Variants in SLC18B1 observed in about 807,000 individuals in gnomAD.
SLC18B1 encodes MFS-type transporter SLC18B1.
In SLC18B1, 62 loss-of-function variants were observed where a neutral mutation model predicts 53.9. That is an observed-to-expected ratio of 1.15 (90% CI 0.94 to 1.42). The LOEUF is 1.42. SLC18B1 is among the 40% of genes most tolerant of loss of function. The pLI, the probability that SLC18B1 is intolerant of heterozygous loss-of-function variation, is 0.00. For synonymous variants in SLC18B1, 217 were observed against 200.9 expected (o/e 1.08, Z -0.68); for missense variants, 598 against 547.3 (o/e 1.09, Z -0.93).
rs1402312875 is a variant in SLC18B1 at position 132,797,001 on chromosome 6, C to A, written c.164G>T (p.Gly55Val). 3 of 1,613,074 alleles carry A rather than the reference C, an allele frequency of 1.9e-6. No homozygotes were observed. Among genetic ancestry groups the A allele is most frequent in the African/African-American group, 2.7e-5 (2 of 74,860 alleles). ...LGSMMCYSIL[G>V]PFFPKEAEKK... The stretch of plus-strand genomic sequence containing the variant: ...TCTTACCTCTTTGGGGAAAAACGGT[C>A]CAAGTATAGAATAGCACATCATGGA... Residue 55 changes from glycine to valine, a missense_variant, in exon 2 of 14, where the codon GGA (glycine) becomes GTA (valine). Gly to Val is a moderately radical substitution (Grantham distance 109, BLOSUM62 -3). Coordinates refer to ENST00000275227, the MANE Select transcript of SLC18B1 (RefSeq NM_052831.3).
chr6:132,784,884 A>G (rs1419859786), intron 5 of SLC18B1, among the ~76,000 whole-genome samples: 1 of 152,196 alleles, frequency 6.6e-6, no homozygotes, highest in Non-Finnish European at 1.5e-5. Flanking sequence ...AGACAGTAAG[A>G]ACAGTAAAGA....
intron 2 of SLC18B1, among the ~76,000 whole-genome samples, chr6:132,792,303 G>A (rs1199960899): frequency 5.9e-4 from 51 of 86,106 alleles, no homozygotes; most frequent in African/African-American, 3.4e-3. Flanking sequence ...AAGGAAGGAA[G>A]GAAGGAAGGA....
intron 2 of SLC18B1, among the ~76,000 whole-genome samples, chr6:132,796,354 C>CAAAAAAAAAAAA (rs780737208): frequency 4.5e-5 from 2 of 44,704 alleles, no homozygotes; most frequent in African/African-American, 2.3e-4. Context: ...GACTCCATCT[C>CAAAAAAAAAAAA]AAAAAAAAAA....
chr6:132,778,564 C>G (rs1235063647), intron 7 of SLC18B1, among the ~76,000 whole-genome samples: 1 of 152,082 alleles, frequency 6.6e-6, no homozygotes, highest in East Asian at 1.9e-4. Context: ...TATATTGAAA[C>G]TTAAGTTTCT....
intron 9 of SLC18B1, 147 bp from the exon 10 acceptor site, chr6:132,773,235 C>A (rs2114660275): frequency 6.1e-6 from 2 of 329,802 alleles, no homozygotes; most frequent in Non-Finnish European, 5.7e-6. Context: ...CCCATCTAAC[C>A]CATTTCATTC....
Position 132,789,657 on chromosome 6 carries a change from A to T in SLC18B1, c.353+107T>A, listed in dbSNP as rs554234862. 4 of 791,422 alleles carry T rather than the reference A, an allele frequency of 5.1e-6. No homozygotes were observed. The Admixed American group carries it at 7.9e-5, about 16-fold the overall frequency. 49.0% of individuals were successfully genotyped at this position (791,422 alleles called of 1,614,324 possible). A position where few individuals can be genotyped will look rare whatever the true frequency, so the allele number is the denominator to read the frequency against. ...CCATTAGTCACATGCTATGCATTTG[A>T]CAGACAATAAATGGAACCATTGACT... On this transcript the variant is annotated intron_variant, in intron 4 of 13. Transcript: ENST00000275227.
chr6:132,792,295 G>GGAAA (rs1781560417), intron 2 of SLC18B1, among the ~76,000 whole-genome samples: 1 of 75,218 alleles, frequency 1.3e-5, no homozygotes, highest in African/African-American at 8.4e-5. Flanking sequence ...AAGAAAGGAA[G>GGAAA]GAAGGAAGGA....
intron 6 of SLC18B1, among the ~76,000 whole-genome samples, chr6:132,781,056 A>C (rs978880164): frequency 2.0e-5 from 3 of 152,166 alleles, no homozygotes; most frequent in Admixed American, 6.6e-5. Flanking sequence ...TAAGGATGTT[A>C]GTTACTTTTA....
rs182396255 is a variant in SLC18B1, at chr6:132,794,301, A to G, written c.183+2681T>C. Among the ~76,000 whole-genome samples the G allele has an allele frequency of 1.0e-3, 154 of 151,420 alleles. 1 individual carries two copies. Among genetic ancestry groups the G allele is most frequent in the African/African-American group, 3.7e-3 (151 of 41,230 alleles). ...GTATTTTTAGTACAGACAGGGTTTC[A>G]CCATGTTGGCCAGGCTGGTCTCAAA... On this transcript the variant is annotated intron_variant, in intron 2 of 13. Transcript: ENST00000275227.
intron 4 of SLC18B1, among the ~76,000 whole-genome samples, chr6:132,788,139 C>T (rs558280698): frequency 1.1e-4 from 16 of 144,682 alleles, no homozygotes; most frequent in East Asian, 4.1e-4. Context: ...CCAGCCTGGG[C>T]GACAGAGTGA....
chr6:132,789,071 A>G (rs1251522712), intron 4 of SLC18B1, among the ~76,000 whole-genome samples: 2 of 152,066 alleles, frequency 1.3e-5, no homozygotes, highest in Admixed American at 6.6e-5. Context: ...TCCCCCATGT[A>G]CTTATATAAG....
chr6:132,773,567 C>A (rs1327637988), intron 9 of SLC18B1, among the ~76,000 whole-genome samples: 1 of 152,136 alleles, frequency 6.6e-6, no homozygotes. Flanking sequence ...AGATTTAATC[C>A]TTGTAATGTA....
chr6:132,785,099 C>T (rs952730985), intron 5 of SLC18B1, among the ~76,000 whole-genome samples: 1 of 149,188 alleles, frequency 6.7e-6, no homozygotes. Flanking sequence ...CTCTTGTTCT[C>T]GTGCTCTCTC....
At chr6:132,777,921 A>G (rs1418652819) in intron 7 of SLC18B1, among the ~76,000 whole-genome samples, 1 of 152,238 alleles carries the variant, frequency 6.6e-6, no homozygotes, top group Non-Finnish European at 1.5e-5. Flanking sequence ...CCGTGTAAAC[A>G]GACCACCAAA....
intron 5 of SLC18B1, among the ~76,000 whole-genome samples, chr6:132,786,811 C>A (rs1388854257): frequency 6.6e-6 from 1 of 152,090 alleles, no homozygotes; most frequent in East Asian, 1.9e-4. Flanking sequence ...ATCAGAGAGG[C>A]AGCTGCCTAG....
At chr6:132,774,607 CATT>C (rs1781055769) in intron 8 of SLC18B1, among the ~76,000 whole-genome samples, 2 of 152,184 alleles carry the variant, frequency 1.3e-5, no homozygotes, top group South Asian at 4.2e-4. Flanking sequence ...CGAAAAAACT[CATT>C]ATAAAAAGCA....
Position 132,770,132 on chromosome 6 carries a change from A to C in SLC18B1, c.*138T>G, listed in dbSNP as rs984214655. The C allele has an allele frequency of 3.0e-5, 20 of 675,476 alleles. No homozygotes were observed. The African/African-American group carries it at 3.6e-4, about 12-fold the overall frequency. The allele number at this position is 675,476 out of a possible 1,614,324, so 41.8% of individuals were successfully genotyped here. Reference sequence around the variant, plus strand: ...ACAGCCCAATACAGGATCATCCAAAAACACGTTGACACTTCCAAGACACTG... The same window carrying C: ...ACAGCCCAATACAGGATCATCCAAACACACGTTGACACTTCCAAGACACTG... On this transcript the variant is annotated 3_prime_UTR_variant, in exon 14 of 14. Transcript: ENST00000275227.
chr6:132,780,129 T>C (rs1781196529), intron 6 of SLC18B1, among the ~76,000 whole-genome samples: 1 of 151,932 alleles, frequency 6.6e-6, no homozygotes, highest in African/African-American at 2.4e-5. Flanking sequence ...TGGAGTGTCT[T>C]GCTCTGTTAC....
intron 9 of SLC18B1, among the ~76,000 whole-genome samples, chr6:132,773,856 C>A: frequency 6.8e-6 from 1 of 147,414 alleles, no homozygotes; most frequent in African/African-American, 2.7e-5. Context: ...TGGTCCCTGC[C>A]TCAAGGAAAA....
Sources: allele counts gnomAD v4.1 joint callset (sites outside exome capture counted in the v4.1 genomes callset), GRCh38; gene constraint gnomAD v4.1.1; transcripts MANE v1.5; gene names NCBI Gene and HGNC (gene_info 2026-07-23, HGNC 2026-07-21).